The following UGT8 variants were observed in gnomAD, a reference collection of about 807,000 sequenced individuals.
The protein encoded by UGT8 is UDP glycosyltransferase 8.
Under a neutral mutation model 40.5 loss-of-function variants are expected in UGT8, and 12 were observed. The observed-to-expected ratio is 0.30, with a 90% CI of 0.19 to 0.48. The LOEUF (loss-of-function observed/expected upper bound fraction) is 0.48, where lower values mean the gene tolerates loss of function less well. Ranked by LOEUF, UGT8 falls within the 20% of genes least tolerant of loss-of-function variation. UGT8 has a pLI of 0.99. For missense variants in UGT8, 513 were observed against 648.7 expected, an observed-to-expected ratio of 0.79 and a Z score of 2.27; for synonymous variants, 224 against 240.4, an observed-to-expected ratio of 0.93 and a Z score of 0.63.
At chr4:114,654,577 G>A (rs1734064061) in intron 2 of UGT8, among the ~76,000 whole-genome samples, 1 of 152,078 alleles carries the variant, frequency 6.6e-6, no homozygotes, top group Non-Finnish European at 1.5e-5. Flanking sequence ...TCAGTCTCAT[G>A]TTTGACAGTT....
chr4:114,655,958 A>G (rs1254748382), intron 2 of UGT8, among the ~76,000 whole-genome samples: 2 of 152,112 alleles, frequency 1.3e-5, no homozygotes, highest in African/African-American at 2.4e-5. Context: ...GGCCTGTTGT[A>G]TAGAATGTCC....
intron 2 of UGT8, chr4:114,656,776 G>C (rs1314064283): frequency 1.9e-6 from 1 of 523,452 alleles, no homozygotes; most frequent in Non-Finnish European, 3.9e-6. Context: ...GTGAAGAGTA[G>C]ATAAAATATT....
intron 5 of UGT8, among the ~76,000 whole-genome samples, chr4:114,669,381 C>CATATATATAT (rs5861189): frequency 2.7e-4 from 40 of 150,438 alleles, no homozygotes; most frequent in African/African-American, 6.9e-4. Context: ...ATTTCATATA[C>CATATATATAT]ATATATATAT....
chr4:114,611,402 C>T (rs1009794472), intron 1 of UGT8, among the ~76,000 whole-genome samples: 1 of 66,678 alleles, frequency 1.5e-5, no homozygotes, highest in Non-Finnish European at 2.7e-5. Flanking sequence ...CCATATATAT[C>T]CATATATATA....
intron 2 of UGT8, among the ~76,000 whole-genome samples, chr4:114,650,962 C>A (rs1733863942): frequency 6.6e-6 from 1 of 151,766 alleles, no homozygotes; most frequent in East Asian, 1.9e-4. Context: ...CCTGCCATTT[C>A]CTGTCTCTGA....
rs372348441 is a variant in UGT8 at position 114,676,193 on chromosome 4, A to G, written c.1531A>G (p.Lys511Glu). 6.2e-7 allele frequency: 1 copy of G among 1,614,066 alleles called. No individual in the cohort carries two copies. Among genetic ancestry groups the G allele is most frequent in the African/African-American group, 1.3e-5 (1 of 74,922 alleles). ...RKIKSLWSRNKHSTVNGHYHN... is the reference protein window; with the variant it reads ...RKIKSLWSRNEHSTVNGHYHN... ...AATCAAAAGTCTGTGGTCTAGAAAT[A>G]AGCATAGCACAGTTAATGGACATTA... The change falls in exon 6 of 6, where the codon AAG (lysine) becomes GAG (glutamate). Residue 511 changes from lysine (K) to glutamate (E), a missense_variant. Lys to Glu is a moderately conservative substitution (Grantham distance 56). Transcript: ENST00000310836.
At chr4:114,646,687 A>G (rs1733592567) in intron 2 of UGT8, among the ~76,000 whole-genome samples, 2 of 152,342 alleles carry the variant, frequency 1.3e-5, no homozygotes, top group Non-Finnish European at 2.9e-5. Context: ...ACAAAACCAG[A>G]GATGAGAAAG....
chr4:114,645,318 A>AT (rs1733503023), intron 2 of UGT8, among the ~76,000 whole-genome samples: 1 of 152,158 alleles, frequency 6.6e-6, no homozygotes. Flanking sequence ...GTACTATTTC[A>AT]TTTTATCCTC....
chr4:114,613,143 C>A (rs1731191750), intron 1 of UGT8, among the ~76,000 whole-genome samples: 3 of 152,064 alleles, frequency 2.0e-5, no homozygotes, highest in African/African-American at 7.2e-5. Flanking sequence ...TAGATGCATG[C>A]TGCAATCATT....
chr4:114,628,427 A>G (rs1732374344), intron 2 of UGT8, among the ~76,000 whole-genome samples: 1 of 152,320 alleles, frequency 6.6e-6, no homozygotes, highest in Non-Finnish European at 1.5e-5. Flanking sequence ...GGCATGAGCC[A>G]CTGCCCCAGC....
At chr4:114,628,892 G>GAA in intron 2 of UGT8, among the ~76,000 whole-genome samples, 4 of 150,620 alleles carry the variant, frequency 2.7e-5, no homozygotes, top group Admixed American at 6.7e-5. Context: ...AGAGTTATTA[G>GAA]ATTAGCCACT....
chr4:114,628,296 C>T (rs114073297), intron 2 of UGT8, among the ~76,000 whole-genome samples: 7 of 152,060 alleles, frequency 4.6e-5, no homozygotes, highest in East Asian at 3.9e-4. Flanking sequence ...TATGTCACCA[C>T]GCCTAGTTAA....
At chr4:114,666,049 A>G (rs191842787) in intron 4 of UGT8, among the ~76,000 whole-genome samples, 59 of 152,246 alleles carry the variant, frequency 3.9e-4, no homozygotes, top group Non-Finnish European at 4.9e-4. Flanking sequence ...TTAATGAACT[A>G]TATAAATTAG....
At chr4:114,659,806 C>G (rs986587470) in intron 2 of UGT8, among the ~76,000 whole-genome samples, 5 of 151,870 alleles carry the variant, frequency 3.3e-5, no homozygotes, top group Non-Finnish European at 7.4e-5. Flanking sequence ...AACAGAATCC[C>G]CAAAATGAAA....
At chr4:114,657,177 C>G (rs1217165302) in intron 2 of UGT8, among the ~76,000 whole-genome samples, 1 of 151,776 alleles carries the variant, frequency 6.6e-6, no homozygotes, top group African/African-American at 2.4e-5. Flanking sequence ...ACCTTGCCAT[C>G]ATCATATCCT....
chr4:114,604,181 C>T (rs1177417388), intron 1 of UGT8, among the ~76,000 whole-genome samples: 1 of 152,050 alleles, frequency 6.6e-6, no homozygotes, highest in Non-Finnish European at 1.5e-5. Flanking sequence ...AATTAAACCT[C>T]CAGGTTTCTA....
At chr4:114,637,406 T>C (rs149355504) in intron 2 of UGT8, among the ~76,000 whole-genome samples, 1 of 152,322 alleles carries the variant, frequency 6.6e-6, no homozygotes, top group Non-Finnish European at 1.5e-5. Flanking sequence ...TGTTTAGAAA[T>C]ATACATTTTA....
chr4:114,649,230 A>G (rs1461141293), intron 2 of UGT8, among the ~76,000 whole-genome samples: 1 of 152,118 alleles, frequency 6.6e-6, no homozygotes, highest in Non-Finnish European at 1.5e-5. Flanking sequence ...AATAATTTAC[A>G]TTGCAGTCCT....
rs930175519 is a variant in UGT8, at chr4:114,664,083, T to C, written c.911T>C (p.Ile304Thr). 5 of 1,613,976 alleles carry C rather than the reference T, an allele frequency of 3.1e-6. No homozygotes were observed. The highest frequency in any genetic ancestry group is 1.6e-4 in the Middle Eastern group (1 of 6,082). Residue 304 changes from isoleucine to threonine, a missense_variant, in exon 3 of 6, where the codon ATT (isoleucine) becomes ACT (threonine). Coordinates refer to ENST00000310836, the MANE Select transcript of UGT8 (RefSeq NM_001128174.3). ...GAGVKYLSEDIANKLAGALGR... is the reference protein window; with the variant it reads ...GAGVKYLSEDTANKLAGALGR... ...GGTGTCAAGTATCTGTCAGAAGACA[T>C]TGCTAACAAACTGGCAGGAGCTCTG...
Sources: gnomAD v4.1 joint callset for allele counts (sites outside exome capture counted in the v4.1 genomes callset) on GRCh38, gnomAD v4.1.1 for gene constraint, MANE v1.5 for transcripts, NCBI Gene and HGNC (gene_info 2026-07-23, HGNC 2026-07-21) for gene names.